CPLX1: variants seen among roughly 807,000 people sequenced by gnomAD.
The protein encoded by CPLX1 is complexin 1.
Under a neutral mutation model 15.6 loss-of-function variants are expected in CPLX1, and 6 were observed. That is an observed-to-expected ratio of 0.39 (90% confidence interval 0.21 to 0.76). The LOEUF (loss-of-function observed/expected upper bound fraction) is 0.76. CPLX1 is among the 30% of genes least tolerant of loss of function. The pLI is 0.43. For missense variants in CPLX1, 242 were observed against 188.6 expected, an observed-to-expected ratio of 1.28 and a Z score of -1.66; for synonymous variants, 91 against 75.2, an observed-to-expected ratio of 1.21 and a Z score of -1.08.
At chr4:815,292 T>A (rs1286791674) in intron 2 of CPLX1, among the ~76,000 whole-genome samples, 1 of 150,284 alleles carries the variant, frequency 6.7e-6, no homozygotes, top group Non-Finnish European at 1.5e-5. Flanking sequence ...GTGCCTGTAA[T>A]CCCAGCTACT....
At chr4:793,889 G>A (rs753752411) in intron 2 of CPLX1, among the ~76,000 whole-genome samples, 1 of 152,220 alleles carries the variant, frequency 6.6e-6, no homozygotes, top group Non-Finnish European at 1.5e-5. Flanking sequence ...GATGTCAGGT[G>A]AAATTGTGGG....
intron 3 of CPLX1, among the ~76,000 whole-genome samples, chr4:791,334 C>T (rs899989002): frequency 6.7e-6 from 1 of 149,620 alleles, no homozygotes; most frequent in African/African-American, 2.5e-5. Flanking sequence ...TCTGCACCCT[C>T]CAGGGTGCAT....
intron 2 of CPLX1, among the ~76,000 whole-genome samples, chr4:818,654 G>A (rs185482259): frequency 1.3e-5 from 2 of 152,378 alleles, no homozygotes; most frequent in South Asian, 2.1e-4. Flanking sequence ...GGAAGAGGCC[G>A]AATGAGGGCC....
rs184639387 is a variant in CPLX1 at position 814,019 on chromosome 4, C to T, written c.31+10473G>A. Among the ~76,000 whole-genome samples, 10 of 152,354 alleles carry T rather than the reference C, an allele frequency of 6.6e-5. No homozygotes were observed. In the East Asian group the frequency reaches 1.5e-3, roughly 23 times the overall value. ...ACAGCAAAGACCACTGCCTGGGCAT[C>T]GGAGGCAGAGCCACACCTGGGCGAC... On this transcript the variant is annotated intron_variant, in intron 2 of 3. Coordinates refer to ENST00000304062, the MANE Select transcript of CPLX1 (RefSeq NM_006651.4).
At chr4:787,201 C>A in intron 3 of CPLX1, 20 of 985,304 alleles carry the variant, frequency 2.0e-5, no homozygotes, top group Non-Finnish European at 2.4e-5. Flanking sequence ...CAGGGCCACT[C>A]CCTGGCAGGC....
At chr4:815,410 C>CAAAAAAAA (rs71166897) in intron 2 of CPLX1, among the ~76,000 whole-genome samples, 1 of 93,348 alleles carries the variant, frequency 1.1e-5, no homozygotes, top group East Asian at 3.2e-4. Flanking sequence ...GACTCCGTCT[C>CAAAAAAAA]AAAAAAAAAA....
At chr4:803,598 C>T (rs1475718218) in intron 2 of CPLX1, among the ~76,000 whole-genome samples, 4 of 150,966 alleles carry the variant, frequency 2.6e-5, no homozygotes, top group African/African-American at 9.8e-5. Context: ...GGGGTTTCAC[C>T]GTGGTCTCGA....
Position 786,303 on chromosome 4 carries a change from G to C in CPLX1, c.*198C>G. ...GCTCCAGCCACCCGCGGGCAGAGGAGCACGGGGCGGACTGGGGGGGTCCTG... is the reference window on the plus strand; with the variant it reads ...GCTCCAGCCACCCGCGGGCAGAGGACCACGGGGCGGACTGGGGGGGTCCTG... On this transcript the variant is annotated 3_prime_UTR_variant, in exon 4 of 4. Transcript: ENST00000304062. 1 of 459,976 alleles carries C rather than the reference G, an allele frequency of 2.2e-6. No homozygotes were observed. The highest frequency in any genetic ancestry group is 4.4e-5 in the South Asian group (1 of 22,628). The allele number at this position is 459,976 out of a possible 1,614,324, so 28.5% of individuals were successfully genotyped here.
intron 2 of CPLX1, among the ~76,000 whole-genome samples, chr4:803,516 G>C (rs1746497641): frequency 6.6e-6 from 1 of 150,740 alleles, no homozygotes; most frequent in Non-Finnish European, 1.5e-5. Flanking sequence ...TCAGCCTCTG[G>C]AGTAGCTGGG....
intron 1 of CPLX1, among the ~76,000 whole-genome samples, chr4:825,529 C>T (rs1364384339): frequency 1.3e-5 from 2 of 151,774 alleles, no homozygotes; most frequent in Non-Finnish European, 2.9e-5. Flanking sequence ...CGCAGGGCTC[C>T]GGCCCCGCCG....
intron 2 of CPLX1, among the ~76,000 whole-genome samples, chr4:815,967 T>C (rs760505479): frequency 6.6e-6 from 1 of 152,228 alleles, no homozygotes; most frequent in Non-Finnish European, 1.5e-5. Flanking sequence ...CCCTGAACTA[T>C]CCACCCATTC....
chr4:817,775 C>CT (rs1437165414), intron 2 of CPLX1, among the ~76,000 whole-genome samples: 5 of 152,168 alleles, frequency 3.3e-5, no homozygotes, highest in Admixed American at 6.5e-5. Flanking sequence ...CTCCCTTCCC[C>CT]TCCACTTCCA....
chr4:813,631 C>T (rs1346444422), intron 2 of CPLX1, among the ~76,000 whole-genome samples: 3 of 152,152 alleles, frequency 2.0e-5, no homozygotes, highest in Admixed American at 6.5e-5. Context: ...TCCTAAAGGG[C>T]AGAAGTGATT....
intron 3 of CPLX1, among the ~76,000 whole-genome samples, chr4:790,203 G>C (rs1419615168): frequency 6.6e-6 from 1 of 152,240 alleles, no homozygotes; most frequent in African/African-American, 2.4e-5. Flanking sequence ...CCAGAGCAGA[G>C]AGGCTGGTGC....
At chr4:822,226 CTG>C (rs1746882512) in intron 2 of CPLX1, among the ~76,000 whole-genome samples, 1 of 151,714 alleles carries the variant, frequency 6.6e-6, no homozygotes, top group Non-Finnish European at 1.5e-5. Context: ...CTAACTCTCT[CTG>C]TCTCTCTCTC....
At chr4:787,138 C>T in intron 3 of CPLX1, 2 of 985,458 alleles carry the variant, frequency 2.0e-6, no homozygotes, top group Non-Finnish European at 2.4e-6. Flanking sequence ...CCACGACCTG[C>T]ATTCACACTC....
intron 2 of CPLX1, among the ~76,000 whole-genome samples, chr4:812,753 T>C (rs2152647247): frequency 6.6e-6 from 1 of 152,156 alleles, no homozygotes; most frequent in Non-Finnish European, 1.5e-5. Flanking sequence ...ACGCTGCGTG[T>C]CCTAACGCTG....
intron 2 of CPLX1, among the ~76,000 whole-genome samples, chr4:821,737 G>A (rs1002432020): frequency 3.3e-5 from 5 of 152,128 alleles, no homozygotes; most frequent in Non-Finnish European, 5.9e-5. Flanking sequence ...GGAGCCTCCC[G>A]CTCCCCCACG....
At chr4:802,482 C>T (rs1214274891) in intron 2 of CPLX1, among the ~76,000 whole-genome samples, 1 of 152,162 alleles carries the variant, frequency 6.6e-6, no homozygotes. Flanking sequence ...TGATCAGAAG[C>T]CCTAACAAAT....
Sources: gnomAD v4.1 joint callset for allele counts (sites outside exome capture counted in the v4.1 genomes callset) on GRCh38, gnomAD v4.1.1 for gene constraint, MANE v1.5 for transcripts, NCBI Gene and HGNC (gene_info 2026-07-23, HGNC 2026-07-21) for gene names.